SLC25A41: variants seen among roughly 807,000 people sequenced by gnomAD.
The protein encoded by SLC25A41 is solute carrier family 25 member 41.
A neutral mutation model predicts 34.7 loss-of-function variants in SLC25A41; 35 were observed. The observed-to-expected ratio is 1.01, with a 90% CI of 0.77 to 1.34. The LOEUF is 1.34. Among genes scored for constraint, SLC25A41 ranks in the 40% most tolerant of loss-of-function variants. The pLI, the probability that SLC25A41 is intolerant of heterozygous loss-of-function variation, is 0.00. For synonymous variants in SLC25A41, 190 were observed against 209.9 expected (o/e 0.91, Z 0.82); for missense variants, 492 against 489.8 (o/e 1.00, Z -0.04).
chr19:6,430,689 T>C (rs904334025), intron 2 of SLC25A41: 5 of 209,832 alleles, frequency 2.4e-5, no homozygotes, highest in African/African-American at 4.8e-5. Context: ...GGGTTTGCCA[T>C]GTTGGCCAGG....
At chr19:6,428,125 G>C (rs1344486770) in intron 4 of SLC25A41, among the ~76,000 whole-genome samples, 8 of 152,052 alleles carry the variant, frequency 5.3e-5, no homozygotes, top group Non-Finnish European at 1.0e-4. Context: ...TAGATTAAGA[G>C]TGAACCCTAG....
chr19:6,433,518 T>C lies in SLC25A41; in HGVS notation c.176A>G (p.Asp59Gly). 6.2e-7 allele frequency: 1 copy of C among 1,613,008 alleles called. No individual in the cohort carries two copies. Among genetic ancestry groups the C allele is most frequent in the Non-Finnish European group, 8.5e-7 (1 of 1,179,806 alleles). Residue 59 changes from aspartate (D) to glycine (G), a missense_variant, in exon 1 of 7, where the codon GAC becomes GGC. Physicochemically the swap from Asp to Gly is moderately conservative, Grantham distance 94. Transcript: ENST00000321510. The stretch of plus-strand genomic sequence containing the variant: ...TGACGGGAGATGTTCAAGGTTGTTG[T>C]CATGCATGTGGCCAAACGCGTACCC... Reference protein sequence around the residue: ...VYGYAFGHMHDNNLEHLPSQQ... With the variant: ...VYGYAFGHMHGNNLEHLPSQQ...
At chr19:6,426,626 T>C in intron 6 of SLC25A41, 65 bp from the exon 7 acceptor site, 3 of 1,566,260 alleles carry the variant, frequency 1.9e-6, no homozygotes, top group Non-Finnish European at 1.7e-6. Context: ...GAGTCTGGAA[T>C]GTTGCGGACA....
Position 6,427,280 on chromosome 19 carries a change from C to T in SLC25A41, c.793-30G>A. 2 of 1,609,954 alleles carry T rather than the reference C, an allele frequency of 1.2e-6. No homozygotes were observed. The highest frequency in any genetic ancestry group is 2.7e-5 in the African/African-American group (2 of 74,998). On this transcript the variant is annotated intron_variant, in intron 5 of 6. Coordinates refer to ENST00000321510, the MANE Select transcript of SLC25A41 (RefSeq NM_173637.4). This position sits in a 1 kb window ranked among gnomAD's most constrained non-coding sequence, Gnocchi z 4.9. Reference sequence around the variant, plus strand: ...AAGAGAAGGGGGCCAGGAGAAAGCTCACTAGGAGCCTGGGCTCCGGCCAGC... The same window carrying T: ...AAGAGAAGGGGGCCAGGAGAAAGCTTACTAGGAGCCTGGGCTCCGGCCAGC...
At chr19:6,429,962 GA>G (rs775337077) in intron 3 of SLC25A41, 46 bp downstream of exon 3, 2 of 1,601,944 alleles carry the variant, frequency 1.2e-6, no homozygotes, top group South Asian at 2.2e-5. Context: ...GGGGGCATGG[GA>G]GGGGTTTGGG....
chr19:6,426,466 TG>T lies in SLC25A41; in HGVS notation c.1035del (p.Thr346ArgfsTer3), dbSNP rs1318845671. 5.0e-6 allele frequency: 8 copies of T among 1,613,572 alleles called. No homozygotes were observed. In the African/African-American group the frequency reaches 1.1e-4, roughly 22 times the overall value. ...CCTGCTGGTAAGACCTTCAGTAGCG[TG>T]GGGGTCATGCCTCGGTACAGCCCTA... ...GWLGLYRGMTPTLLKVLPAGG... is the reference protein window; with the variant it reads ...GWLGLYRGMTXTLLKVLPAGG... On this transcript the variant is annotated frameshift_variant, in exon 7 of 7. Coordinates refer to ENST00000321510, the MANE Select transcript of SLC25A41 (RefSeq NM_173637.4). LOFTEE classifies it high-confidence loss of function.
rs2092250592 is a variant in SLC25A41 at position 6,427,740 on chromosome 19, C to T, written c.625-239G>A. Among the ~76,000 whole-genome samples the T allele has an allele frequency of 6.6e-6, 1 of 152,168 alleles. No homozygotes were observed. The highest frequency in any genetic ancestry group is 1.9e-4 in the East Asian group (1 of 5,196). On this transcript the variant is annotated intron_variant, in intron 4 of 6. Transcript: ENST00000321510. This position sits in a 1 kb window ranked among gnomAD's most constrained non-coding sequence, Gnocchi z 4.9. ...GAAGGCTCACGTCTGTCTTCCCAGC[C>T]CTTTGGGAGGCTGAGGCGGGAGGAT...
chr19:6,432,044 C>T lies in SLC25A41; in HGVS notation c.363+5G>A, dbSNP rs530105502. 6.2e-7 allele frequency: 1 copy of T among 1,608,544 alleles called. No homozygotes were observed. The highest frequency in any genetic ancestry group is 1.7e-5 in the Admixed American group (1 of 59,446). On this transcript the variant is annotated splice_donor_5th_base_variant and intron_variant, in intron 2 of 6. Coordinates refer to ENST00000321510, the MANE Select transcript of SLC25A41 (RefSeq NM_173637.4). ...GGTCCCGTCCTCCCCCCAACCCACA[C>T]AAACCTGCATGTACACCTTGGCTCT...
chr19:6,431,773 C>T (rs2092286438), intron 2 of SLC25A41, among the ~76,000 whole-genome samples: 1 of 151,942 alleles, frequency 6.6e-6, no homozygotes, highest in Non-Finnish European at 1.5e-5. Context: ...GTCCAAAGAC[C>T]CCATCCCCAA....
chr19:6,426,901 T>G (rs1454323051), intron 6 of SLC25A41, among the ~76,000 whole-genome samples: 1 of 152,184 alleles, frequency 6.6e-6, no homozygotes. Flanking sequence ...GCCTCCCAAG[T>G]AGCTGGGACC....
chr19:6,434,209 C>T (rs148665153), upstream of SLC25A41, among the ~76,000 whole-genome samples: 1,334 of 152,288 alleles, frequency 8.8e-3, 22 homozygotes, highest in African/African-American at 0.031. Flanking sequence ...TCCCAAAGTG[C>T]TGGGATTACA....
intron 4 of SLC25A41, among the ~76,000 whole-genome samples, chr19:6,429,144 A>G (rs190117334): frequency 3.3e-5 from 1 of 30,698 alleles, no homozygotes; most frequent in African/African-American, 1.8e-4. Context: ...ATATATATAT[A>G]ATATATATAT....
intron 2 of SLC25A41, 80 bp from the exon 3 acceptor site, chr19:6,430,241 C>T (rs767466046): frequency 5.3e-5 from 77 of 1,458,140 alleles, no homozygotes; most frequent in South Asian, 5.7e-5. Flanking sequence ...GCAGCCCCAC[C>T]GGGACCTCCC....
chr19:6,430,675 C>T (rs2092282132), intron 2 of SLC25A41: 1 of 226,026 alleles, frequency 4.4e-6, no homozygotes, highest in Non-Finnish European at 9.1e-6. Flanking sequence ...TTTAGTAGAG[C>T]TGGGGGTTTG....
chr19:6,429,163 TAATATATATATA>T lies in SLC25A41; in HGVS notation c.624+549_624+560del, dbSNP rs1342902534. Reference sequence around the variant, plus strand: ...ATATATAATATATATATTATATATATAATATATATATAATATATATATGTTATATATATAATA... The same window carrying T: ...ATATATAATATATATATTATATATATATATATATATGTTATATATATAATA... On this transcript the variant is annotated intron_variant, in intron 4 of 6. Transcript: ENST00000321510. Among the ~76,000 whole-genome samples, 2 of 11,182 alleles carry T rather than the reference TAATATATATATA, an allele frequency of 1.8e-4. 1 individual carries two copies. The highest frequency in any genetic ancestry group is 4.8e-4 in the African/African-American group (2 of 4,132). The allele number at this position is 11,182 out of a possible 152,430, so 7.3% of individuals were successfully genotyped here. A position where few individuals can be genotyped will look rare whatever the true frequency, so the allele number is the denominator to read the frequency against.
In SLC25A41 at chr19:6,429,758, A is replaced by G. The variant is rs765638568; in HGVS notation, c.590T>C (p.Val197Ala). The G allele has an allele frequency of 6.2e-7, 1 of 1,608,314 alleles. No homozygotes were observed. The highest frequency in any genetic ancestry group is 1.3e-5 in the African/African-American group (1 of 74,426). ...QERLLAGSLA[V>A]AISQTLINPM... is the part of the protein sequence containing the mutation. ...GTTGATGAGGGTCTGGGAGATGGCC[A>G]CAGCCAGGGAGCCAGCAAGGAGACG... The change falls in exon 4 of 7, where the codon GTG (valine) becomes GCG (alanine). Residue 197 changes from valine (V) to alanine (A), a missense_variant. Physicochemically the swap from Val to Ala is moderately conservative, Grantham distance 64 (BLOSUM62 0). Transcript: ENST00000321510.
At position 6,426,394 on chromosome 19, in the gene SLC25A41, T is replaced by G. The variant is rs746779480; in HGVS notation, c.1108A>C (p.Ile370Leu). ...VYEAMKKTLG[I>L] ...TGTGTCGTCCAGCTCACAGCCTATA[T>G]GCCCAGGGTTTTCTTCATGGCTTCG... Residue 370 changes from isoleucine to leucine, a missense_variant, in exon 7 of 7, where the codon ATA becomes CTA. Ile to Leu is a conservative substitution (Grantham distance 5, BLOSUM62 2). Coordinates refer to ENST00000321510, the MANE Select transcript of SLC25A41 (RefSeq NM_173637.4). 1 of 1,613,232 alleles carries G rather than the reference T, an allele frequency of 6.2e-7. No homozygotes were observed. The highest frequency in any genetic ancestry group is 8.5e-7 in the Non-Finnish European group (1 of 1,179,452).
chr19:6,433,318 G>A (rs972705253), intron 1 of SLC25A41, among the ~76,000 whole-genome samples, 169 bp downstream of exon 1: 15 of 152,126 alleles, frequency 9.9e-5, no homozygotes, highest in African/African-American at 3.6e-4. Context: ...CAAAGTGCTG[G>A]GATTACATGT....
rs1262363881 is a variant in SLC25A41 at position 6,429,064 on chromosome 19, A to AT, written c.624+659dup. ...AATATATATATTATATATATGTTAT[A>AT]TATATATATAATATATATATTATAT... On this transcript the variant is annotated intron_variant, in intron 4 of 6. Coordinates refer to ENST00000321510, the MANE Select transcript of SLC25A41 (RefSeq NM_173637.4). Among the ~76,000 whole-genome samples, 2 of 64,124 alleles carry AT rather than the reference A, an allele frequency of 3.1e-5. 1 individual carries two copies. The highest frequency in any genetic ancestry group is 5.2e-5 in the Non-Finnish European group (2 of 38,472). 42.1% of individuals were successfully genotyped at this position (64,124 alleles called of 152,430 possible). A position where few individuals can be genotyped will look rare whatever the true frequency, so the allele number is the denominator to read the frequency against.
Sources: gnomAD v4.1 joint callset for allele counts (sites outside exome capture counted in the v4.1 genomes callset) on GRCh38, gnomAD v4.1.1 for gene constraint, Gnocchi (gnomAD v3.1) non-coding constraint, MANE v1.5 for transcripts, NCBI Gene and HGNC (gene_info 2026-07-23, HGNC 2026-07-21) for gene names.